Variants in ST6GALNAC5 observed in about 807,000 individuals in gnomAD.
ST6GALNAC5 encodes the protein ST6 N-acetylgalactosaminide alpha-2,6-sialyltransferase 5, also known as alpha-N-acetylgalactosaminide alpha-2,6-sialyltransferase 5.
A neutral mutation model predicts 33.6 loss-of-function variants in ST6GALNAC5; 27 were observed. That is an observed-to-expected ratio of 0.80 (90% CI 0.59 to 1.11). ST6GALNAC5 has a LOEUF of 1.11. ST6GALNAC5 is among the 50% of genes least tolerant of loss of function. The pLI is 0.00. For missense variants in ST6GALNAC5, 428 were observed against 454.0 expected (o/e 0.94, Z 0.52); for synonymous variants, 194 against 171.2 (o/e 1.13, Z -1.04).
At position 77,003,302 on chromosome 1, in the gene ST6GALNAC5, TA is replaced by T. The variant is rs1650250872; in HGVS notation, c.262-40901del. Among the ~76,000 whole-genome samples the T allele has an allele frequency of 1.6e-4, 20 of 122,468 alleles. No individual in the cohort carries two copies. In the South Asian group the frequency reaches 6.1e-3, roughly 37 times the overall value. The allele number at this position is 122,468 out of a possible 152,430, so 80.3% of individuals were successfully genotyped here. A position where few individuals can be genotyped will look rare whatever the true frequency, so the allele number is the denominator to read the frequency against. On this transcript the variant is annotated intron_variant, in intron 2 of 4. Transcript: ENST00000477717. ...GTTTAAAGTCTGTTTTATCAGAGACTAGGATTGCAACCCCTGCCTTTTTTTG... is the reference window on the plus strand; with the variant it reads ...GTTTAAAGTCTGTTTTATCAGAGACTGGATTGCAACCCCTGCCTTTTTTTG...
At chr1:76,937,219 G>A (rs1052598723) in intron 2 of ST6GALNAC5, among the ~76,000 whole-genome samples, 2 of 151,672 alleles carry the variant, frequency 1.3e-5, no homozygotes, top group South Asian at 4.2e-4. Flanking sequence ...CCCTGCAAGT[G>A]GTTTTTATTA....
intron 2 of ST6GALNAC5, among the ~76,000 whole-genome samples, chr1:77,032,792 T>C (rs1213027683): frequency 6.6e-6 from 1 of 152,196 alleles, no homozygotes; most frequent in African/African-American, 2.4e-5. Flanking sequence ...CCTCAGATTT[T>C]TCCCCCAATG....
At chr1:76,899,500 C>T (rs1396463836) in intron 2 of ST6GALNAC5, among the ~76,000 whole-genome samples, 3 of 152,114 alleles carry the variant, frequency 2.0e-5, no homozygotes. Context: ...GTTCCTGCCC[C>T]TCCCCCAGAA....
At chr1:76,894,478 G>A (rs751581516) in intron 2 of ST6GALNAC5, among the ~76,000 whole-genome samples, 3 of 152,070 alleles carry the variant, frequency 2.0e-5, no homozygotes, top group East Asian at 1.9e-4. Context: ...GAAGAGGCAG[G>A]GGGGGGATCT....
At chr1:76,899,008 A>G (rs1646787218) in intron 2 of ST6GALNAC5, among the ~76,000 whole-genome samples, 1 of 152,128 alleles carries the variant, frequency 6.6e-6, no homozygotes, top group African/African-American at 2.4e-5. Context: ...CTGATGTGTA[A>G]AAGAATGCCT....
intron 2 of ST6GALNAC5, among the ~76,000 whole-genome samples, chr1:76,887,348 T>C (rs193224287): frequency 6.6e-6 from 1 of 152,376 alleles, no homozygotes; most frequent in Non-Finnish European, 1.5e-5. Context: ...CATTGCATTC[T>C]TTTTCAGACC....
At chr1:76,960,290 C>T (rs1213394655) in intron 2 of ST6GALNAC5, among the ~76,000 whole-genome samples, 2 of 152,018 alleles carry the variant, frequency 1.3e-5, no homozygotes, top group Non-Finnish European at 2.9e-5. Context: ...CCCCCCGAGC[C>T]ATAAAACCAG....
At chr1:76,939,098 C>T (rs932560838) in intron 2 of ST6GALNAC5, among the ~76,000 whole-genome samples, 2 of 151,938 alleles carry the variant, frequency 1.3e-5, no homozygotes, top group African/African-American at 4.8e-5. Flanking sequence ...ATGGCTTCAG[C>T]CTTACCATCC....
At chr1:76,911,747 T>C (rs1646915119) in intron 2 of ST6GALNAC5, among the ~76,000 whole-genome samples, 1 of 152,200 alleles carries the variant, frequency 6.6e-6, no homozygotes, top group Non-Finnish European at 1.5e-5. Context: ...GTTTGTAGTA[T>C]TCTCTGATGG....
chr1:76,908,259 C>T (rs1276079730), intron 2 of ST6GALNAC5, among the ~76,000 whole-genome samples: 3 of 152,072 alleles, frequency 2.0e-5, no homozygotes, highest in African/African-American at 7.2e-5. Flanking sequence ...AGTCCAAGAT[C>T]AAGGCAGTGG....
At chr1:77,025,372 A>C (rs577427523) in intron 2 of ST6GALNAC5, among the ~76,000 whole-genome samples, 51 of 152,268 alleles carry the variant, frequency 3.3e-4, no homozygotes, top group African/African-American at 1.2e-3. Flanking sequence ...CTCTTTACTA[A>C]AAACACAAAA....
chr1:76,981,119 G>T (rs1389468295), intron 2 of ST6GALNAC5, among the ~76,000 whole-genome samples: 1 of 152,182 alleles, frequency 6.6e-6, no homozygotes, highest in Non-Finnish European at 1.5e-5. Context: ...GAGGTACCTG[G>T]TTCATCTCAC....
At chr1:76,967,737 C>T (rs568728166) in intron 2 of ST6GALNAC5, among the ~76,000 whole-genome samples, 3 of 152,172 alleles carry the variant, frequency 2.0e-5, no homozygotes, top group Non-Finnish European at 2.9e-5. Context: ...AAATTTCCCT[C>T]TACACACTGC....
chr1:76,992,585 C>A (rs2100397879), intron 2 of ST6GALNAC5, among the ~76,000 whole-genome samples: 1 of 152,292 alleles, frequency 6.6e-6, no homozygotes, highest in African/African-American at 2.4e-5. Flanking sequence ...ACCTCTGCCT[C>A]CCAGGCTCAA....
intron 2 of ST6GALNAC5, among the ~76,000 whole-genome samples, chr1:76,879,547 T>C (rs1653729680): frequency 6.6e-6 from 1 of 152,156 alleles, no homozygotes; most frequent in South Asian, 2.1e-4. Flanking sequence ...TCTCTAGGGG[T>C]CCACTGGGAC....
At chr1:76,986,949 TA>T (rs1649526003) in intron 2 of ST6GALNAC5, among the ~76,000 whole-genome samples, 1 of 152,094 alleles carries the variant, frequency 6.6e-6, no homozygotes, top group Admixed American at 6.6e-5. Flanking sequence ...TTCTCACTCA[TA>T]GGTGGGAATT....
intron 3 of ST6GALNAC5, among the ~76,000 whole-genome samples, chr1:77,045,459 G>A (rs546483999): frequency 6.6e-5 from 10 of 152,200 alleles, no homozygotes; most frequent in Admixed American, 1.3e-4. Flanking sequence ...TCCTGTGAAT[G>A]TAAAATAAAT....
chr1:76,912,020 G>A (rs1421994400), intron 2 of ST6GALNAC5, among the ~76,000 whole-genome samples: 2 of 152,000 alleles, frequency 1.3e-5, no homozygotes, highest in East Asian at 1.9e-4. Context: ...TGATGTTCAG[G>A]TGTCAATTTT....
chr1:77,011,614 T>C (rs1451262899), intron 2 of ST6GALNAC5, among the ~76,000 whole-genome samples: 1 of 152,204 alleles, frequency 6.6e-6, no homozygotes, highest in African/African-American at 2.4e-5. Flanking sequence ...ATATTTGATA[T>C]TCATTTTGTA....
Sources: allele counts gnomAD v4.1 joint callset (sites outside exome capture counted in the v4.1 genomes callset), GRCh38; gene constraint gnomAD v4.1.1; transcripts MANE v1.5; gene names NCBI Gene and HGNC (gene_info 2026-07-23, HGNC 2026-07-21).